Variants in SPON1 observed in about 807,000 individuals in gnomAD.
The protein encoded by SPON1 is spondin 1, also known as spondin-1.
In SPON1, 52 loss-of-function variants were observed where a neutral mutation model predicts 111.7. That is an observed-to-expected ratio of 0.47 (90% CI 0.37 to 0.59). The LOEUF is 0.59. Ranked by LOEUF, SPON1 falls within the 20% of genes least tolerant of loss-of-function variation. SPON1 has a pLI of 0.00. For missense variants in SPON1, 957 were observed against 1,068.5 expected (o/e 0.90, Z 1.46); for synonymous variants, 410 against 395.8 (o/e 1.04, Z -0.43).
intron 14 of SPON1, chr11:14,262,475 C>T: frequency 1.7e-6 from 1 of 579,482 alleles, no homozygotes; most frequent in Non-Finnish European, 3.1e-6. Flanking sequence ...CTTCTTGAGT[C>T]ATAGAGGGAG....
At chr11:14,164,496 C>T (rs1848004331) in intron 6 of SPON1, among the ~76,000 whole-genome samples, 1 of 152,164 alleles carries the variant, frequency 6.6e-6, no homozygotes, top group Non-Finnish European at 1.5e-5. Context: ...GTCTTCTGGA[C>T]TGTCCACCTA....
chr11:14,168,625 G>A (rs994377026), intron 6 of SPON1, among the ~76,000 whole-genome samples: 3 of 151,924 alleles, frequency 2.0e-5, no homozygotes, highest in African/African-American at 7.3e-5. Context: ...TTAGCATTAG[G>A]TATATCTCCT....
intron 6 of SPON1, among the ~76,000 whole-genome samples, chr11:14,146,360 G>A (rs1847718603): frequency 6.6e-6 from 1 of 152,018 alleles, no homozygotes; most frequent in Non-Finnish European, 1.5e-5. Context: ...ATGTTGGCCA[G>A]GCTGGTCTCG....
At chr11:14,216,437 G>T (rs1848627180) in intron 6 of SPON1, among the ~76,000 whole-genome samples, 1 of 152,120 alleles carries the variant, frequency 6.6e-6, no homozygotes, top group African/African-American at 2.4e-5. Flanking sequence ...GGATGGTAAT[G>T]GAAATGATCA....
At chr11:14,018,648 G>A (rs1430868734) in intron 2 of SPON1, among the ~76,000 whole-genome samples, 1 of 152,172 alleles carries the variant, frequency 6.6e-6, no homozygotes, top group African/African-American at 2.4e-5. Context: ...GAGCATGCTG[G>A]GAGAACAATT....
chr11:14,262,890 C>A lies in SPON1; in HGVS notation c.2175C>A (p.Ser725=). The change falls in exon 15 of 16, where the codon TCC becomes TCA. Residue 725 remains serine, a synonymous_variant. Coordinates refer to ENST00000576479, the MANE Select transcript of SPON1 (RefSeq NM_006108.4). ...CRIRKCLRNP[S]IQKLRWREAR... ...TCCGAAAATGCCTTCGAAATCCATC[C>A]ATCCAAAAGCTACGCTGGAGGGAGG... 1 of 1,613,818 alleles carries A rather than the reference C, an allele frequency of 6.2e-7. No individual in the cohort carries two copies. The highest frequency in any genetic ancestry group is 8.5e-7 in the Non-Finnish European group (1 of 1,179,884).
chr11:14,219,071 C>T (rs1486436133), intron 6 of SPON1, among the ~76,000 whole-genome samples: 4 of 152,168 alleles, frequency 2.6e-5, no homozygotes, highest in African/African-American at 9.7e-5. Context: ...TCTTTTCATG[C>T]TAGGTGGGTG....
chr11:14,145,036 C>G (rs1847702324), intron 6 of SPON1, among the ~76,000 whole-genome samples: 1 of 152,146 alleles, frequency 6.6e-6, no homozygotes, highest in Non-Finnish European at 1.5e-5. Context: ...TAAAATGACA[C>G]TCAGAGTGGT....
chr11:13,975,971 A>G (rs782115755), intron 1 of SPON1, among the ~76,000 whole-genome samples: 88 of 152,216 alleles, frequency 5.8e-4, no homozygotes, highest in Non-Finnish European at 8.5e-4. Flanking sequence ...TACTACCACC[A>G]TCATTATCAT....
At chr11:14,058,184 G>T (rs1291802559) in intron 3 of SPON1, among the ~76,000 whole-genome samples, 1 of 152,140 alleles carries the variant, frequency 6.6e-6, no homozygotes, top group Non-Finnish European at 1.5e-5. Context: ...CAATCAGGAA[G>T]GCAGGCAAGG....
At chr11:14,077,867 G>GA (rs1222129029) in intron 4 of SPON1, among the ~76,000 whole-genome samples, 3 of 151,288 alleles carry the variant, frequency 2.0e-5, no homozygotes, top group Non-Finnish European at 4.4e-5. Flanking sequence ...GGGAAACGCA[G>GA]AAAAAAGAGA....
chr11:14,035,611 G>GTTCTTTTTT (rs782786717), intron 2 of SPON1, among the ~76,000 whole-genome samples: 3 of 134,536 alleles, frequency 2.2e-5, no homozygotes, highest in Non-Finnish European at 4.9e-5. Context: ...AGTACACTTA[G>GTTCTTTTTT]TTCTTTTTTT....
intron 15 of SPON1, among the ~76,000 whole-genome samples, chr11:14,263,574 A>ATATT (rs1399969240): frequency 1.3e-5 from 2 of 152,214 alleles, no homozygotes; most frequent in African/African-American, 2.4e-5. Flanking sequence ...TCCCCAAATA[A>ATATT]TATTGATCCA....
chr11:14,259,718 G>A lies in SPON1; in HGVS notation c.1831+17G>A, dbSNP rs1849151193. ...CAGAGTGCCGTGAGTGAGAGCGGGG[G>A]TGGACTTGGAGGAGGCCACTGGGGA... On this transcript the variant is annotated intron_variant, in intron 13 of 15. Coordinates refer to ENST00000576479, the MANE Select transcript of SPON1 (RefSeq NM_006108.4). The surrounding 1 kb of genome is among the most constrained non-coding windows in gnomAD (Gnocchi z 5.0). 1.3e-6 allele frequency: 2 copies of A among 1,564,410 alleles called. No homozygotes were observed. Among genetic ancestry groups the A allele is most frequent in the African/African-American group, 1.4e-5 (1 of 73,794 alleles).
At chr11:14,194,455 A>G (rs1199635421) in intron 6 of SPON1, among the ~76,000 whole-genome samples, 1 of 152,152 alleles carries the variant, frequency 6.6e-6, no homozygotes, top group Non-Finnish European at 1.5e-5. Flanking sequence ...GTGGTGAAAC[A>G]TCCACAGAAA....
chr11:14,211,224 G>C (rs1848572214), intron 6 of SPON1, among the ~76,000 whole-genome samples: 1 of 152,150 alleles, frequency 6.6e-6, no homozygotes, highest in African/African-American at 2.4e-5. Flanking sequence ...TGTGTATTTA[G>C]AAAACCCCAT....
chr11:14,227,541 C>A (rs1341396483), intron 6 of SPON1, among the ~76,000 whole-genome samples: 1 of 152,172 alleles, frequency 6.6e-6, no homozygotes, highest in Non-Finnish European at 1.5e-5. Flanking sequence ...GGATGCAGAC[C>A]ACTGACTTTT....
At chr11:14,038,901 G>A (rs781817011) in intron 2 of SPON1, among the ~76,000 whole-genome samples, 9 of 152,186 alleles carry the variant, frequency 5.9e-5, no homozygotes, top group Non-Finnish European at 1.3e-4. Context: ...GCACATGGAC[G>A]TTTATAGCAG....
At chr11:14,087,245 G>T (rs1336199922) in intron 5 of SPON1, among the ~76,000 whole-genome samples, 1 of 151,850 alleles carries the variant, frequency 6.6e-6, no homozygotes, top group Non-Finnish European at 1.5e-5. Flanking sequence ...TTAGGGTATC[G>T]ATTTTAGATC....
Sources: gnomAD v4.1 joint callset for allele counts (sites outside exome capture counted in the v4.1 genomes callset) on GRCh38, gnomAD v4.1.1 for gene constraint, Gnocchi (gnomAD v3.1) non-coding constraint, MANE v1.5 for transcripts, NCBI Gene and HGNC (gene_info 2026-07-23, HGNC 2026-07-21) for gene names.